SBNO1: variants seen among roughly 807,000 people sequenced by gnomAD.
SBNO1 encodes the protein strawberry notch homolog 1.
In SBNO1, 23 loss-of-function variants were observed where a neutral mutation model predicts 173.6. The observed-to-expected ratio is 0.13, with a 90% CI of 0.10 to 0.19. SBNO1 has a LOEUF of 0.19. Ranked by LOEUF, SBNO1 falls within the 10% of genes least tolerant of loss-of-function variation. The pLI is 1.00. For missense variants in SBNO1, 1,238 were observed against 1,671.2 expected (o/e 0.74, Z 4.52); for synonymous variants, 632 against 571.5 (o/e 1.11, Z -1.51).
chr12:123,291,936 C>T lies in SBNO1; in HGVS notation c.*3972G>A, dbSNP rs778687176. ...CAAGTACTCAAAAAAAAAATGCTAG[C>T]GAGCTTGAGTTGCAGGTATTTAGGT... On this transcript the variant is annotated 3_prime_UTR_variant, in exon 32 of 32. Coordinates refer to ENST00000602398, the MANE Select transcript of SBNO1 (RefSeq NM_001167856.3). The T allele has an allele frequency of 3.3e-5, 5 of 151,550 alleles. No homozygotes were observed. The highest frequency in any genetic ancestry group is 3.9e-4 in the East Asian group (2 of 5,182). The allele number at this position is 151,550 out of a possible 1,614,324, so 9.4% of individuals were successfully genotyped here. A position where few individuals can be genotyped will look rare whatever the true frequency, so the allele number is the denominator to read the frequency against.
intron 20 of SBNO1, among the ~76,000 whole-genome samples, chr12:123,318,723 G>GT (rs1869593899): frequency 7.8e-6 from 1 of 128,654 alleles, no homozygotes; most frequent in African/African-American, 2.7e-5. Flanking sequence ...GGGCAACAGA[G>GT]TAAGACTCTG....
At chr12:123,297,620 C>T (rs201276199) in intron 31 of SBNO1, among the ~76,000 whole-genome samples, 1 of 152,090 alleles carries the variant, frequency 6.6e-6, no homozygotes, top group East Asian at 1.9e-4. Context: ...ATTCTCTGTG[C>T]ACAGTGGCTT....
intron 1 of SBNO1, among the ~76,000 whole-genome samples, chr12:123,353,122 T>A (rs1299645542): frequency 6.6e-6 from 1 of 152,098 alleles, no homozygotes; most frequent in Non-Finnish European, 1.5e-5. Flanking sequence ...TCTCCATAAT[T>A]TTCCAGAAAA....
At chr12:123,359,485 C>G (rs1403182200) in intron 1 of SBNO1, among the ~76,000 whole-genome samples, 3 of 150,992 alleles carry the variant, frequency 2.0e-5, no homozygotes, top group African/African-American at 7.3e-5. Flanking sequence ...TCACTTGAAC[C>G]CAGGAGGTGG....
intron 1 of SBNO1, among the ~76,000 whole-genome samples, chr12:123,359,107 G>C (rs931951044): frequency 8.6e-5 from 13 of 151,646 alleles, no homozygotes; most frequent in Non-Finnish European, 1.5e-4. Context: ...TAATTTTTTT[G>C]TATTTTTAGT....
intron 4 of SBNO1, among the ~76,000 whole-genome samples, chr12:123,344,646 C>T (rs575990780): frequency 2.6e-5 from 4 of 152,082 alleles, no homozygotes; most frequent in South Asian, 2.1e-4. Flanking sequence ...CTCAGGAGTT[C>T]GAGACCAGCC....
chr12:123,322,706 G>T (rs2138973118), intron 16 of SBNO1, among the ~76,000 whole-genome samples: 1 of 147,160 alleles, frequency 6.8e-6, no homozygotes, highest in South Asian at 2.3e-4. Context: ...AGGAGTTTGA[G>T]ACCAGCCTGG....
At chr12:123,342,495 A>C (rs1872687227) in intron 4 of SBNO1, among the ~76,000 whole-genome samples, 2 of 152,172 alleles carry the variant, frequency 1.3e-5, no homozygotes, top group Admixed American at 1.3e-4. Flanking sequence ...TATCACCCAA[A>C]CAGAATCAAT....
rs766487409 is a variant in SBNO1, at chr12:123,345,398, G to A, written c.410C>T (p.Pro137Leu). The A allele has an allele frequency of 1.6e-5, 26 of 1,614,134 alleles. No homozygotes were observed. Among genetic ancestry groups the A allele is most frequent in the African/African-American group, 5.3e-5 (4 of 75,024 alleles). The change falls in exon 4 of 32, where the codon CCA becomes CTA. Residue 137 changes from proline to leucine, a missense_variant. This residue lies in a region of SBNO1 where 287 missense variants were observed against 274.1 expected (regional missense o/e 1.05). Transcript: ENST00000602398. ...TASTRPSVSA[P>L]TVRNAMTSAP... ...AGAGGTCATGGCATTTCGTACTGTT[G>A]GTGCTGAGACTGACGGGCGTGTGCT...
intron 24 of SBNO1, among the ~76,000 whole-genome samples, chr12:123,311,861 G>A (rs1300578321): frequency 2.0e-5 from 3 of 150,482 alleles, no homozygotes; most frequent in Non-Finnish European, 4.4e-5. Flanking sequence ...TCAGCTTCCC[G>A]AGCAGCTGGA....
rs886937988 is a variant in SBNO1, at chr12:123,334,130, T to C, written c.832A>G (p.Thr278Ala). Residue 278 changes from threonine (T) to alanine (A), a missense_variant, in exon 7 of 32, where the codon ACA becomes GCA. Physicochemically the swap from Thr to Ala is moderately conservative, Grantham distance 58. Transcript: ENST00000602398. ...SVTPPDVWYK[T>A]SISEETIDNG... ...TCAATGGTTTCCTCAGAAATGGATGTTTTGTACCAAACATCAGGAGGAGTA... is the reference window on the plus strand; with the variant it reads ...TCAATGGTTTCCTCAGAAATGGATGCTTTGTACCAAACATCAGGAGGAGTA... The C allele has an allele frequency of 6.2e-7, 1 of 1,607,898 alleles. No homozygotes were observed. Among genetic ancestry groups the C allele is most frequent in the Admixed American group, 1.7e-5 (1 of 59,504 alleles).
chr12:123,362,484 G>T (rs999742736), intron 1 of SBNO1, among the ~76,000 whole-genome samples: 38 of 142,154 alleles, frequency 2.7e-4, no homozygotes, highest in Non-Finnish European at 2.4e-4. Context: ...CTGACGGGGG[G>T]GCCAAGGGCG....
At chr12:123,359,208 C>A (rs149348176) in intron 1 of SBNO1, among the ~76,000 whole-genome samples, 2,495 of 150,882 alleles carry the variant, frequency 0.017, 45 homozygotes, top group Middle Eastern at 0.034. Context: ...GCTGGGATTA[C>A]AGGAGTGAGC....
chr12:123,311,716 C>CTATATATA (rs1168115569), intron 24 of SBNO1, among the ~76,000 whole-genome samples: 28 of 60,948 alleles, frequency 4.6e-4, no homozygotes, highest in African/African-American at 1.4e-3. Context: ...ATCTATCTAT[C>CTATATATA]TATCTATATA....
chr12:123,315,786 A>G (rs1869187638), intron 21 of SBNO1, 126 bp from the exon 22 acceptor site: 2 of 607,546 alleles, frequency 3.3e-6, no homozygotes, highest in East Asian at 5.5e-5. Flanking sequence ...AAAATTACAG[A>G]TAATGTAAAA....
intron 1 of SBNO1, among the ~76,000 whole-genome samples, chr12:123,362,605 C>T (rs1566060747): frequency 6.6e-6 from 1 of 150,380 alleles, no homozygotes; most frequent in South Asian, 2.1e-4. Context: ...TTTCTGCCAA[C>T]TACATAAAAA....
At chr12:123,341,967 AC>A (rs1302620986) in intron 4 of SBNO1, among the ~76,000 whole-genome samples, 4 of 151,846 alleles carry the variant, frequency 2.6e-5, no homozygotes, top group Non-Finnish European at 2.9e-5. Flanking sequence ...TCAGAAAGAT[AC>A]CCAAAAGCCA....
chr12:123,363,728 A>G (rs1875688512), intron 1 of SBNO1: 1 of 457,632 alleles, frequency 2.2e-6, no homozygotes, highest in Admixed American at 6.4e-5. Context: ...CGACTCCCCA[A>G]AACAAAAGCC....
At chr12:123,299,751 GT>G (rs2048725817) in intron 30 of SBNO1, among the ~76,000 whole-genome samples, 1 of 151,706 alleles carries the variant, frequency 6.6e-6, no homozygotes, top group African/African-American at 2.4e-5. Flanking sequence ...TACTCAGGTG[GT>G]TGAGGCACGA....
Sources: gnomAD v4.1 joint callset for allele counts (sites outside exome capture counted in the v4.1 genomes callset) on GRCh38, gnomAD v4.1.1 for gene constraint, gnomAD v4.1.1 regional missense constraint, MANE v1.5 for transcripts, NCBI Gene and HGNC (gene_info 2026-07-23, HGNC 2026-07-21) for gene names.